Variants in DTWD1 observed in about 807,000 individuals in gnomAD.
DTWD1 encodes the protein DTW motif tRNA-uridine aminocarboxypropyltransferase 1, also known as tRNA-uridine aminocarboxypropyltransferase 1.
DTWD1 carries 27 observed loss-of-function variants against 30.2 expected under a neutral mutation model. The observed-to-expected ratio is 0.90, with a 90% CI of 0.66 to 1.23. The LOEUF is 1.23. DTWD1 is among the 50% of genes most tolerant of loss of function. DTWD1 has a pLI of 0.00. For missense variants in DTWD1, 342 were observed against 348.8 expected, an observed-to-expected ratio of 0.98 and a Z score of 0.15; for synonymous variants, 99 against 113.1, an observed-to-expected ratio of 0.88 and a Z score of 0.79.
chr15:49,640,854 ATTTCT>A (rs376297480), intron 4 of DTWD1, among the ~76,000 whole-genome samples: 30 of 151,746 alleles, frequency 2.0e-4, no homozygotes, highest in African/African-American at 6.0e-4. Flanking sequence ...CATCTTTTCA[ATTTCT>A]TTTCTTTTGA....
chr15:49,625,115 C>T lies in DTWD1; in HGVS notation c.-53C>T. On this transcript the variant is annotated splice_region_variant and 5_prime_UTR_variant, in exon 2 of 5. Transcript: ENST00000403028. ...CTCTTGATACTTTTTTTTTACAGTG[C>T]ACCTATGATATGTGTTTTAGAAATA... The T allele has an allele frequency of 1.3e-6, 2 of 1,528,188 alleles. No individual in the cohort carries two copies. The highest frequency in any genetic ancestry group is 1.8e-6 in the Non-Finnish European group (2 of 1,118,912). The allele number at this position is 1,528,188 out of a possible 1,614,324, so 94.7% of individuals were successfully genotyped here. A position where few individuals can be genotyped will look rare whatever the true frequency, so the allele number is the denominator to read the frequency against.
In DTWD1 at chr15:49,622,178, C is replaced by T. The variant is rs2078747002; in HGVS notation, c.-56+1056C>T. Among the ~76,000 whole-genome samples, 3 of 152,164 alleles carry T rather than the reference C, an allele frequency of 2.0e-5. No homozygotes were observed. In the South Asian group the frequency reaches 6.2e-4, roughly 31 times the overall value. On this transcript the variant is annotated intron_variant, in intron 1 of 4. Coordinates refer to ENST00000403028, the MANE Select transcript of DTWD1 (RefSeq NM_001144955.2). The stretch of plus-strand genomic sequence containing the variant: ...AGTGTTTGTTGAGTTCCTGCTGTTG[C>T]ATAAGAATCAGGAATAGGTGAGATC...
chr15:49,631,843 A>G (rs1016994873), intron 2 of DTWD1, among the ~76,000 whole-genome samples: 1 of 152,216 alleles, frequency 6.6e-6, no homozygotes, highest in African/African-American at 2.4e-5. Context: ...TGTCCTTGGC[A>G]CACATGGTGA....
At position 49,633,049 on chromosome 15, in the gene DTWD1, CTATATA is replaced by C. The variant is rs1555588610; in HGVS notation, c.408+763_408+768del. The stretch of plus-strand genomic sequence containing the variant: ...TTTACTTTCCTATTTATATCTATAT[CTATATA>C]TATATATATATATATGTATTTTTTT... On this transcript the variant is annotated intron_variant, in intron 3 of 4. Coordinates refer to ENST00000403028, the MANE Select transcript of DTWD1 (RefSeq NM_001144955.2). Among the ~76,000 whole-genome samples, 36 of 117,344 alleles carry C rather than the reference CTATATA, an allele frequency of 3.1e-4. 1 individual carries two copies. Among genetic ancestry groups the C allele is most frequent in the Admixed American group, 2.0e-3 (24 of 11,752 alleles). The allele number at this position is 117,344 out of a possible 152,430, so 77.0% of individuals were successfully genotyped here.
In DTWD1 at chr15:49,643,682, C is replaced by A; in HGVS notation, c.*104C>A. 1 of 1,228,062 alleles carries A rather than the reference C, an allele frequency of 8.1e-7. No homozygotes were observed. Among genetic ancestry groups the A allele is most frequent in the South Asian group, 2.2e-5 (1 of 45,832 alleles). The allele number at this position is 1,228,062 out of a possible 1,614,324, so 76.1% of individuals were successfully genotyped here. ...ATAATCATATATAATGCCTGTAAGA[C>A]CATTTGAAAAAATTCCAGTTTCATA... is the stretch of plus-strand genomic sequence containing the variant. On this transcript the variant is annotated 3_prime_UTR_variant, in exon 5 of 5. Coordinates refer to ENST00000403028, the MANE Select transcript of DTWD1 (RefSeq NM_001144955.2).
chr15:49,634,545 AT>A lies in DTWD1; in HGVS notation c.423del (p.Pro142LeufsTer8). ...YEEKDHEVAL[I>X]FPGPQSISIK... Reference sequence around the variant, plus strand: ...ATTTTCTTTGTTTTAGGTTGCACTCATTTTTCCTGGACCTCAGTCTATCTCA... The same window carrying A: ...ATTTTCTTTGTTTTAGGTTGCACTCATTTTCCTGGACCTCAGTCTATCTCA... On this transcript the variant is annotated frameshift_variant, in exon 4 of 5. Transcript: ENST00000403028. LOFTEE classifies it high-confidence loss of function. The A allele has an allele frequency of 6.2e-7, 1 of 1,608,414 alleles. No individual in the cohort carries two copies. The highest frequency in any genetic ancestry group is 8.5e-7 in the Non-Finnish European group (1 of 1,177,936).
Position 49,647,923 on chromosome 15 carries a change from TAAAA to T in DTWD1, c.*4347_*4350del, listed in dbSNP as rs2079130504. 6.6e-6 allele frequency: 1 copy of T among 151,936 alleles called. No individual in the cohort carries two copies. The highest frequency in any genetic ancestry group is 6.6e-5 in the Admixed American group (1 of 15,256). 9.4% of individuals were successfully genotyped at this position (151,936 alleles called of 1,614,324 possible). On this transcript the variant is annotated 3_prime_UTR_variant, in exon 5 of 5. Coordinates refer to ENST00000403028, the MANE Select transcript of DTWD1 (RefSeq NM_001144955.2). ...GAAATTTAAAAAGTGATTGCTGAAA[TAAAA>T]ATTAAATATAAGAGTTGAAGATAAA...
intron 2 of DTWD1, among the ~76,000 whole-genome samples, chr15:49,626,153 T>C (rs2153351348): frequency 6.6e-6 from 1 of 152,224 alleles, no homozygotes; most frequent in Admixed American, 6.5e-5. Context: ...ATGTGTGATA[T>C]AAACTTATGA....
chr15:49,634,910 ATTTAC>A (rs1039934840), intron 4 of DTWD1, 116 bp downstream of exon 4: 1 of 913,278 alleles, frequency 1.1e-6, no homozygotes, highest in Non-Finnish European at 1.6e-6. Context: ...ATTTTGCCAT[ATTTAC>A]TTTATTTCTC....
intron 4 of DTWD1, among the ~76,000 whole-genome samples, chr15:49,642,421 T>C (rs1252949406): frequency 3.9e-5 from 6 of 152,146 alleles, no homozygotes; most frequent in African/African-American, 9.7e-5. Flanking sequence ...GAGCAAGGCA[T>C]TCTACCTGAC....
intron 1 of DTWD1, among the ~76,000 whole-genome samples, chr15:49,622,458 T>C (rs2078759458): frequency 6.6e-6 from 1 of 152,058 alleles, no homozygotes; most frequent in Admixed American, 6.5e-5. Flanking sequence ...GGGGTGGAAA[T>C]TGGGTAGAAG....
intron 4 of DTWD1, among the ~76,000 whole-genome samples, chr15:49,642,466 A>G (rs1437855846): frequency 1.3e-5 from 2 of 152,180 alleles, no homozygotes; most frequent in Non-Finnish European, 2.9e-5. Context: ...CATGTGACAG[A>G]GCTAAAACAA....
intron 1 of DTWD1, 26 bp from the exon 2 acceptor site, chr15:49,625,069 TTTCTGTTTTTATTTTTCC>T: frequency 8.3e-7 from 1 of 1,212,052 alleles, no homozygotes; most frequent in Non-Finnish European, 1.1e-6. Flanking sequence ...AGTAAAATGT[TTTCTGTTTTTATTTTTCC>T]TTCTCTTGAT....
chr15:49,635,083 G>A (rs2078983965), intron 4 of DTWD1, among the ~76,000 whole-genome samples: 1 of 151,968 alleles, frequency 6.6e-6, no homozygotes, highest in Non-Finnish European at 1.5e-5. Flanking sequence ...TGCCCAGGCT[G>A]GAGTGCAATG....
In DTWD1 at chr15:49,649,128, A is replaced by G. The variant is rs565202029; in HGVS notation, c.*5550A>G. 6.6e-6 allele frequency: 1 copy of G among 152,316 alleles called. No individual in the cohort carries two copies. The highest frequency in any genetic ancestry group is 1.5e-5 in the Non-Finnish European group (1 of 68,018). 9.4% of individuals were successfully genotyped at this position (152,316 alleles called of 1,614,324 possible). A position where few individuals can be genotyped will look rare whatever the true frequency, so the allele number is the denominator to read the frequency against. ...AGGAATTTCAGAACACTGTGGATAG[A>G]AAATACTAAAAGATTTCAAACAGAA... On this transcript the variant is annotated 3_prime_UTR_variant, in exon 5 of 5. Coordinates refer to ENST00000403028, the MANE Select transcript of DTWD1 (RefSeq NM_001144955.2).
At chr15:49,642,744 C>A (rs2079079469) in intron 4 of DTWD1, among the ~76,000 whole-genome samples, 2 of 151,454 alleles carry the variant, frequency 1.3e-5, no homozygotes, top group Admixed American at 1.3e-4. Context: ...CATAGCAAGA[C>A]ACTGTCTCTA....
intron 4 of DTWD1, among the ~76,000 whole-genome samples, chr15:49,641,660 A>G (rs1483408215): frequency 6.6e-6 from 1 of 152,000 alleles, no homozygotes; most frequent in African/African-American, 2.4e-5. Context: ...TTAAATGTTT[A>G]TCACTTTTTT....
chr15:49,641,031 T>G (rs1304612946), intron 4 of DTWD1, among the ~76,000 whole-genome samples: 1 of 151,980 alleles, frequency 6.6e-6, no homozygotes, highest in Non-Finnish European at 1.5e-5. Flanking sequence ...ATCCTTCTAA[T>G]TAATTTATTG....
chr15:49,630,797 A>G, intron 2 of DTWD1: 1 of 176,354 alleles, frequency 5.7e-6, no homozygotes, highest in East Asian at 1.7e-4. Context: ...GCTGGAGAGC[A>G]AGCGAAGCTT....
Sources: gnomAD v4.1 joint callset for allele counts (sites outside exome capture counted in the v4.1 genomes callset) on GRCh38, gnomAD v4.1.1 for gene constraint, MANE v1.5 for transcripts, NCBI Gene and HGNC (gene_info 2026-07-23, HGNC 2026-07-21) for gene names.